Variants in ADAMTSL1 observed in about 807,000 individuals in gnomAD.
The protein encoded by ADAMTSL1 is ADAMTS-like protein 1.
ADAMTSL1 carries 126 observed loss-of-function variants against 201.8 expected under a neutral mutation model. That is an observed-to-expected ratio of 0.62 (90% CI 0.54 to 0.72). ADAMTSL1 has a LOEUF of 0.72. Among genes scored for constraint, ADAMTSL1 ranks in the 30% least tolerant of loss-of-function variants. The probability of loss-of-function intolerance (pLI) is 0.00; values close to 1 mark genes in which losing one functional copy is unlikely to be tolerated. For synonymous variants in ADAMTSL1, 1,121 were observed against 903.4 expected (o/e 1.24, Z -4.32); for missense variants, 2,679 against 2,277.8 (o/e 1.18, Z -3.59).
chr9:17,971,295 T>C (rs1818197942), intron 1 of ADAMTSL1, among the ~76,000 whole-genome samples: 1 of 152,090 alleles, frequency 6.6e-6, no homozygotes, highest in African/African-American at 2.4e-5. Flanking sequence ...GAAAAATAGT[T>C]TCTTGTCTAT....
intron 3 of ADAMTSL1, among the ~76,000 whole-genome samples, chr9:18,559,103 A>G (rs1013051797): frequency 6.6e-6 from 1 of 151,966 alleles, no homozygotes; most frequent in Non-Finnish European, 1.5e-5. Context: ...CCTGAATGGT[A>G]TTGCCTAGGT....
intron 1 of ADAMTSL1, among the ~76,000 whole-genome samples, chr9:17,988,827 A>G (rs1819029151): frequency 6.6e-6 from 1 of 151,934 alleles, no homozygotes; most frequent in East Asian, 1.9e-4. Flanking sequence ...TTATGTGAAA[A>G]TTGGTAACAA....
intron 26 of ADAMTSL1, among the ~76,000 whole-genome samples, chr9:18,901,236 G>A (rs1056234813): frequency 7.9e-5 from 12 of 152,068 alleles, no homozygotes; most frequent in Admixed American, 4.6e-4. Flanking sequence ...AAAAATGAGG[G>A]GGAAGTTATG....
chr9:18,119,141 A>T (rs1463137609), intron 1 of ADAMTSL1, among the ~76,000 whole-genome samples: 3 of 152,286 alleles, frequency 2.0e-5, no homozygotes, highest in Non-Finnish European at 2.9e-5. Context: ...CTAATATTTT[A>T]AAATGGGTCA....
intron 1 of ADAMTSL1, among the ~76,000 whole-genome samples, chr9:17,913,009 T>C (rs1825950194): frequency 1.3e-5 from 2 of 152,216 alleles, no homozygotes; most frequent in South Asian, 4.1e-4. Context: ...TATGTGGCGT[T>C]ATTTCTGAGG....
At chr9:18,852,857 A>T (rs1826586881) in intron 23 of ADAMTSL1, among the ~76,000 whole-genome samples, 1 of 152,126 alleles carries the variant, frequency 6.6e-6, no homozygotes. Context: ...ACGCTATAAA[A>T]CCTAGTTGTT....
intron 2 of ADAMTSL1, among the ~76,000 whole-genome samples, chr9:18,168,952 C>T (rs572733888): frequency 1.3e-4 from 20 of 151,236 alleles, no homozygotes; most frequent in African/African-American, 3.4e-4. Flanking sequence ...TCATATCCTT[C>T]GCCCACTTTT....
At position 18,535,474 on chromosome 9, in the gene ADAMTSL1, GTCT is replaced by G. The variant is rs531221645; in HGVS notation, c.237+2190_237+2192del. 7.6e-3 allele frequency among the ~76,000 whole-genome samples: 1,152 copies of G among 152,132 alleles called. 5 individuals are homozygous for G. Among genetic ancestry groups the G allele is most frequent in the Non-Finnish European group, 0.011 (770 of 67,998 alleles). ...GTTCCAACCTTTCCCACATTTTCCT[GTCT>G]TCTTCTTAGCCCTCCAAACTGTGCC... On this transcript the variant is annotated intron_variant, in intron 3 of 28. Coordinates refer to ENST00000380548, the MANE Select transcript of ADAMTSL1 (RefSeq NM_001040272.6).
chr9:18,689,441 A>G (rs995066018), intron 13 of ADAMTSL1, among the ~76,000 whole-genome samples: 1 of 152,058 alleles, frequency 6.6e-6, no homozygotes, highest in Non-Finnish European at 1.5e-5. Context: ...GAAATTGTTC[A>G]TTTCCTTAAC....
At chr9:18,857,960 C>T (rs985309890) in intron 23 of ADAMTSL1, among the ~76,000 whole-genome samples, 1 of 152,104 alleles carries the variant, frequency 6.6e-6, no homozygotes, top group African/African-American at 2.4e-5. Flanking sequence ...TTCCCTGCTC[C>T]AGCCCTAGAG....
In ADAMTSL1 at chr9:18,200,334, A is replaced by G. The variant is rs564910707; in HGVS notation, c.207+36353A>G. On this transcript the variant is annotated intron_variant, in intron 2 of 29. Transcript: ENST00000680146. ...TTTTGTTTTTTAATGTTTTGCTTTG[A>G]TTATTATACTCTTATTCTATACTCA... is the stretch of plus-strand genomic sequence containing the variant. 2.0e-5 allele frequency among the ~76,000 whole-genome samples: 3 copies of G among 151,898 alleles called. No individual in the cohort carries two copies. The East Asian group carries it at 5.8e-4, about 29-fold the overall frequency.
intron 2 of ADAMTSL1, among the ~76,000 whole-genome samples, chr9:18,429,230 C>T (rs1218417315): frequency 6.6e-6 from 1 of 152,100 alleles, no homozygotes; most frequent in Non-Finnish European, 1.5e-5. Flanking sequence ...AAACATTACT[C>T]TCTACTTGGA....
chr9:18,472,620 G>A (rs193264094), upstream of ADAMTSL1, among the ~76,000 whole-genome samples: 36 of 152,242 alleles, frequency 2.4e-4, no homozygotes, highest in Admixed American at 2.2e-3. Flanking sequence ...GAAAAGCAAC[G>A]CAGCAGGTAT....
In ADAMTSL1 at chr9:18,459,243, G is replaced by T. The variant is rs116809033; in HGVS notation, c.208-45586G>T. Among the ~76,000 whole-genome samples the T allele has an allele frequency of 2.2e-3, 330 of 152,248 alleles. 1 individual carries two copies. Among genetic ancestry groups the T allele is most frequent in the African/African-American group, 7.6e-3 (316 of 41,530 alleles). ...GCAGCTTATGTTATAGTGAAATATA[G>T]AATGTTTGTTTTTTATATTACAAAT... On this transcript the variant is annotated intron_variant, in intron 2 of 29. Transcript: ENST00000680146.
intron 11 of ADAMTSL1, chr9:18,680,740 T>C (rs1033558985): frequency 1.8e-6 from 1 of 546,784 alleles, no homozygotes; most frequent in Non-Finnish European, 3.2e-6. Flanking sequence ...GAAGCCTCTA[T>C]TGTTCCCCAG....
At chr9:18,212,017 C>G (rs138405113) in intron 2 of ADAMTSL1, among the ~76,000 whole-genome samples, 1 of 152,082 alleles carries the variant, frequency 6.6e-6, no homozygotes, top group Non-Finnish European at 1.5e-5. Context: ...AGGACAGAAC[C>G]TGGGACTCTC....
chr9:18,877,919 G>A (rs1828273217), intron 23 of ADAMTSL1, among the ~76,000 whole-genome samples: 1 of 152,194 alleles, frequency 6.6e-6, no homozygotes. Context: ...GCGTGTCTGA[G>A]CTCAGACTCT....
Position 18,887,840 on chromosome 9 carries a change from T to G in ADAMTSL1, c.4259T>G (p.Ile1420Ser). ...PGNSALLGCP[I>S]KGHPVPNITW... is the part of the protein sequence containing the mutation. The stretch of plus-strand genomic sequence containing the variant: ...TTTCCTCTCCTTCTAGGCTGCCCCA[T>G]CAAAGGTCACCCTGTCCCTAATATC... Residue 1420 changes from isoleucine to serine, a missense_variant, in exon 24 of 29, where the codon ATC becomes AGC. By Grantham distance (142) the Ile-to-Ser change is moderately radical. Transcript: ENST00000380548. The G allele has an allele frequency of 6.2e-7, 1 of 1,613,836 alleles. No homozygotes were observed. The highest frequency in any genetic ancestry group is 8.5e-7 in the Non-Finnish European group (1 of 1,179,868).
At position 18,581,243 on chromosome 9, in the gene ADAMTSL1, C is replaced by T. The variant is rs184530426; in HGVS notation, c.474+6977C>T. ...GGCATTCTACCCTCTGTGTCTGTGT[C>T]TTCACCTCTTCTTATAAGGACAGCA... is the stretch of plus-strand genomic sequence containing the variant. On this transcript the variant is annotated intron_variant, in intron 4 of 28. Transcript: ENST00000380548. 2.6e-5 allele frequency among the ~76,000 whole-genome samples: 4 copies of T among 152,182 alleles called. 1 individual carries two copies. Among genetic ancestry groups the T allele is most frequent in the African/African-American group, 9.6e-5 (4 of 41,454 alleles).
Sources: gnomAD v4.1 joint callset for allele counts (sites outside exome capture counted in the v4.1 genomes callset) on GRCh38, gnomAD v4.1.1 for gene constraint, MANE v1.5 for transcripts, NCBI Gene and HGNC (gene_info 2026-07-23, HGNC 2026-07-21) for gene names.